Variants in CCDC85C observed in about 807,000 individuals in gnomAD.
CCDC85C encodes the protein coiled-coil domain-containing protein 85C.
Under a neutral mutation model 38.3 loss-of-function variants are expected in CCDC85C, and 18 were observed. That is an observed-to-expected ratio of 0.47 (90% CI 0.33 to 0.70). The LOEUF (loss-of-function observed/expected upper bound fraction) is 0.70. Ranked by LOEUF, CCDC85C falls within the 30% of genes least tolerant of loss-of-function variation. CCDC85C has a pLI of 0.03. For synonymous variants in CCDC85C, 264 were observed against 293.8 expected (o/e 0.90, Z 1.04); for missense variants, 566 against 621.2 (o/e 0.91, Z 0.94).
At position 99,544,755 on chromosome 14, in the gene CCDC85C, G is replaced by A. The variant is rs1279242207; in HGVS notation, c.794-8667C>T. On this transcript the variant is annotated intron_variant, in intron 1 of 5. Coordinates refer to ENST00000380243, the MANE Select transcript of CCDC85C (RefSeq NM_001144995.2). The surrounding 1 kb of genome is among the most constrained non-coding windows in gnomAD (Gnocchi z 5.3). The stretch of plus-strand genomic sequence containing the variant: ...ACCAGATAAGCGCCCAGCCCCAGAT[G>A]TGAAAAGACTTGATGTTAGTGAGGT... 6.6e-6 allele frequency among the ~76,000 whole-genome samples: 1 copy of A among 152,026 alleles called. No homozygotes were observed. The highest frequency in any genetic ancestry group is 1.9e-4 in the East Asian group (1 of 5,186).
Position 99,535,030 on chromosome 14 carries a change from G to T in CCDC85C, c.867+985C>A. The T allele has an allele frequency of 3.1e-6, 1 of 327,314 alleles. No homozygotes were observed. Among genetic ancestry groups the T allele is most frequent in the South Asian group, 3.8e-5 (1 of 26,666 alleles). The allele number at this position is 327,314 out of a possible 1,614,324, so 20.3% of individuals were successfully genotyped here. A position where few individuals can be genotyped will look rare whatever the true frequency, so the allele number is the denominator to read the frequency against. On this transcript the variant is annotated intron_variant, in intron 2 of 5. Transcript: ENST00000380243. This position sits in a 1 kb window ranked among gnomAD's most constrained non-coding sequence, Gnocchi z 5.5. The stretch of plus-strand genomic sequence containing the variant: ...CACAGCCCACAAAGGGGTGAGACGT[G>T]AGGATGACCTCAGTGGGAGCTGTGC...
In CCDC85C at chr14:99,504,629, T is replaced by A. The variant is rs1896928268; in HGVS notation, c.*10617A>T. The A allele has an allele frequency of 6.6e-6, 1 of 152,158 alleles. No homozygotes were observed. The allele number at this position is 152,158 out of a possible 1,614,324, so 9.4% of individuals were successfully genotyped here. On this transcript the variant is annotated 3_prime_UTR_variant, in exon 6 of 6. Transcript: ENST00000380243. ...CCAGGCCTGGCTAATTTTGTATTTT[T>A]AGTAGAGACAGGGTTTCTCCATGTT... is the stretch of plus-strand genomic sequence containing the variant.
intron 2 of CCDC85C, among the ~76,000 whole-genome samples, chr14:99,523,847 C>G (rs1897335478): frequency 6.6e-6 from 1 of 152,148 alleles, no homozygotes; most frequent in African/African-American, 2.4e-5. Flanking sequence ...CTGACCACGG[C>G]ATTAACCCTG....
chr14:99,599,135 CTCTG>C (rs2055173965), intron 1 of CCDC85C, among the ~76,000 whole-genome samples: 1 of 152,186 alleles, frequency 6.6e-6, no homozygotes, highest in South Asian at 2.1e-4. Context: ...AGTTAGCGTG[CTCTG>C]TCTTTTTCTA....
In CCDC85C at chr14:99,576,881, G is replaced by C. The variant is rs796344264; in HGVS notation, c.793+26286C>G. Among the ~76,000 whole-genome samples the C allele has an allele frequency of 6.6e-6, 1 of 151,924 alleles. No individual in the cohort carries two copies. Among genetic ancestry groups the C allele is most frequent in the South Asian group, 2.1e-4 (1 of 4,818 alleles). On this transcript the variant is annotated intron_variant, in intron 1 of 5. Transcript: ENST00000380243. The surrounding 1 kb of genome is among the most constrained non-coding windows in gnomAD (Gnocchi z 4.8). Reference sequence around the variant, plus strand: ...AGCACAGCGGGGCAGCACTCTCTCCGGGTCACCCCGGATGCCTTCAGCACA... The same window carrying C: ...AGCACAGCGGGGCAGCACTCTCTCCCGGTCACCCCGGATGCCTTCAGCACA...
intron 1 of CCDC85C, among the ~76,000 whole-genome samples, chr14:99,592,116 T>C (rs988841976): frequency 2.0e-5 from 3 of 152,236 alleles, no homozygotes; most frequent in Non-Finnish European, 4.4e-5. Context: ...CCCAGCGGAA[T>C]TCCCTTTATG....
Position 99,527,925 on chromosome 14 carries a change from T to A in CCDC85C, c.868-5685A>T, listed in dbSNP as rs138854856. Among the ~76,000 whole-genome samples, 361 of 152,176 alleles carry A rather than the reference T, an allele frequency of 2.4e-3. 1 individual carries two copies. Among genetic ancestry groups the A allele is most frequent in the Middle Eastern group, 0.014 (4 of 294 alleles). On this transcript the variant is annotated intron_variant, in intron 2 of 5. Coordinates refer to ENST00000380243, the MANE Select transcript of CCDC85C (RefSeq NM_001144995.2). ...ACCCCGGGCACCTGGGCAAGGTGCG[T>A]GAGAAGGGGCTCACACCACGGAGAG...
chr14:99,573,836 G>A (rs1319815476), intron 1 of CCDC85C, among the ~76,000 whole-genome samples: 2 of 152,118 alleles, frequency 1.3e-5, no homozygotes, highest in Non-Finnish European at 2.9e-5. Context: ...CAGAAGCCTG[G>A]TTAGAGCCCA....
chr14:99,532,777 TTCTTC>T (rs1282300776), intron 2 of CCDC85C, among the ~76,000 whole-genome samples: 4 of 123,210 alleles, frequency 3.2e-5, no homozygotes, highest in East Asian at 5.2e-4. Context: ...CTTCTTCTTC[TTCTTC>T]TTTTTTTTTT....
Position 99,520,889 on chromosome 14 carries a change from A to G in CCDC85C, c.975+1244T>C, listed in dbSNP as rs1191695113. Among the ~76,000 whole-genome samples, 2 of 152,258 alleles carry G rather than the reference A, an allele frequency of 1.3e-5. No homozygotes were observed. Among genetic ancestry groups the G allele is most frequent in the Middle Eastern group, 3.2e-3 (1 of 316 alleles). On this transcript the variant is annotated intron_variant, in intron 3 of 5. Transcript: ENST00000380243. The surrounding 1 kb of genome is among the most constrained non-coding windows in gnomAD (Gnocchi z 4.1). ...TTTCCCAAGGCTGCCTCCTCCAGGA[A>G]GCCTTCCTGAACATTCCTGAACTCT... is the stretch of plus-strand genomic sequence containing the variant.
At chr14:99,559,248 G>A (rs774391776) in intron 1 of CCDC85C, among the ~76,000 whole-genome samples, 1 of 151,462 alleles carries the variant, frequency 6.6e-6, no homozygotes, top group African/African-American at 2.4e-5. Flanking sequence ...AACTGGCCCC[G>A]CTGACACCTT....
chr14:99,568,246 C>CTTTTTTTTTTTTTTTTTT (rs776784723), intron 1 of CCDC85C, among the ~76,000 whole-genome samples: 1 of 114,486 alleles, frequency 8.7e-6, no homozygotes, highest in African/African-American at 3.8e-5. Flanking sequence ...GCCACCTGCC[C>CTTTTTTTTTTTTTTTTTT]TTTATTTTTT....
chr14:99,587,968 G>A (rs936870066), intron 1 of CCDC85C, among the ~76,000 whole-genome samples: 1 of 152,168 alleles, frequency 6.6e-6, no homozygotes, highest in Admixed American at 6.5e-5. Flanking sequence ...TGGAGAACGT[G>A]GCAAGCTCCA....
In CCDC85C at chr14:99,502,710, A is replaced by G. The variant is rs754025705; in HGVS notation, c.*12536T>C. The G allele has an allele frequency of 1.9e-6, 3 of 1,609,634 alleles. No individual in the cohort carries two copies. The highest frequency in any genetic ancestry group is 1.7e-6 in the Non-Finnish European group (2 of 1,176,222). On this transcript the variant is annotated 3_prime_UTR_variant, in exon 6 of 6. Coordinates refer to ENST00000380243, the MANE Select transcript of CCDC85C (RefSeq NM_001144995.2). ...TTTGTGTAAAATGTAATTGTTGGCT[A>G]TCATTTAGACATCTGCCACCAAATC... is the stretch of plus-strand genomic sequence containing the variant.
rs1896860038 is a variant in CCDC85C, at chr14:99,502,569, A to T, written c.*12677T>A. Reference sequence around the variant, plus strand: ...TACTTTTGGTAAACTAAAAATACACACCAGTGTTGCACACAACGAAGATGG... The same window carrying T: ...TACTTTTGGTAAACTAAAAATACACTCCAGTGTTGCACACAACGAAGATGG... On this transcript the variant is annotated 3_prime_UTR_variant, in exon 6 of 6. Transcript: ENST00000380243. 8.3e-7 allele frequency: 1 copy of T among 1,200,114 alleles called. No individual in the cohort carries two copies. Among genetic ancestry groups the T allele is most frequent in the Admixed American group, 2.5e-5 (1 of 39,238 alleles). The allele number at this position is 1,200,114 out of a possible 1,614,324, so 74.3% of individuals were successfully genotyped here. A position where few individuals can be genotyped will look rare whatever the true frequency, so the allele number is the denominator to read the frequency against.
chr14:99,550,236 T>C (rs1409551963), intron 1 of CCDC85C, among the ~76,000 whole-genome samples: 1 of 152,124 alleles, frequency 6.6e-6, no homozygotes, highest in East Asian at 1.9e-4. Context: ...TAGGAGGAGA[T>C]TAGTCTGGAT....
chr14:99,549,257 G>A (rs1897861648), intron 1 of CCDC85C, among the ~76,000 whole-genome samples: 1 of 152,212 alleles, frequency 6.6e-6, no homozygotes, highest in Non-Finnish European at 1.5e-5. Flanking sequence ...GGCTGTTCTA[G>A]AAAAGATGCT....
chr14:99,570,671 G>A (rs993098260), intron 1 of CCDC85C, among the ~76,000 whole-genome samples: 128 of 152,284 alleles, frequency 8.4e-4, no homozygotes, highest in African/African-American at 3.0e-3. Flanking sequence ...CTACAGTCCA[G>A]GGGGTCTTCC....
rs1436424322 is a variant in CCDC85C at position 99,603,886 on chromosome 14, C to A, written c.74G>T (p.Arg25Leu). The change falls in exon 1 of 6, where the codon CGC becomes CTC. Residue 25 changes from arginine (R) to leucine (L), a missense_variant. Transcript: ENST00000380243. This position sits in a 1 kb window ranked among gnomAD's most constrained non-coding sequence, Gnocchi z 7.5. ...CCGCGCCAGCTCCTCCTTGCTCCAG[C>A]GCAGCAGCTCCTCGTCCGGCACCTG... The part of the protein sequence containing the change: ...LSQVPDEELL[R>L]WSKEELARRL... 3.3e-6 allele frequency: 5 copies of A among 1,497,322 alleles called. No homozygotes were observed. The highest frequency in any genetic ancestry group is 1.9e-4 in the Middle Eastern group (1 of 5,200). The allele number at this position is 1,497,322 out of a possible 1,614,324, so 92.8% of individuals were successfully genotyped here. A position where few individuals can be genotyped will look rare whatever the true frequency, so the allele number is the denominator to read the frequency against.
Sources: allele counts gnomAD v4.1 joint callset (sites outside exome capture counted in the v4.1 genomes callset), GRCh38; gene constraint gnomAD v4.1.1; non-coding constraint Gnocchi (gnomAD v3.1); transcripts MANE v1.5; gene names NCBI Gene and HGNC (gene_info 2026-07-23, HGNC 2026-07-21).